JAM3: variants seen among roughly 807,000 people sequenced by gnomAD.
JAM3 encodes the protein junctional adhesion molecule 3, also known as junctional adhesion molecule C.
In JAM3, 31 loss-of-function variants were observed where a neutral mutation model predicts 39.4. The ratio of observed to expected loss-of-function variants is 0.79; its 90% CI spans 0.59 to 1.06. JAM3 has a LOEUF of 1.06. JAM3 is among the 50% of genes least tolerant of loss of function. The probability of loss-of-function intolerance (pLI) is 0.00; values close to 1 mark genes in which losing one functional copy is unlikely to be tolerated. For missense variants in JAM3, 455 were observed against 391.4 expected, an observed-to-expected ratio of 1.16 and a Z score of -1.37; for synonymous variants, 182 against 148.7, an observed-to-expected ratio of 1.22 and a Z score of -1.63.
chr11:134,099,691 C>G (rs1164298638), intron 1 of JAM3, among the ~76,000 whole-genome samples: 1 of 152,200 alleles, frequency 6.6e-6, no homozygotes, highest in Admixed American at 6.5e-5. Context: ...ACTGCAACCT[C>G]CACCTCTTGG....
intron 1 of JAM3, among the ~76,000 whole-genome samples, chr11:134,109,986 G>A (rs1942278715): frequency 6.6e-6 from 1 of 152,132 alleles, no homozygotes; most frequent in South Asian, 2.1e-4. Context: ...CCTTCACATT[G>A]CTTTCACTCT....
intron 1 of JAM3, among the ~76,000 whole-genome samples, chr11:134,087,869 A>G (rs1294546035): frequency 6.6e-6 from 1 of 152,150 alleles, no homozygotes; most frequent in African/African-American, 2.4e-5. Context: ...GGTACTGTTG[A>G]TATTTGGAGT....
chr11:134,100,835 T>C, intron 1 of JAM3, among the ~76,000 whole-genome samples: 1 of 152,252 alleles, frequency 6.6e-6, no homozygotes, highest in East Asian at 1.9e-4. Context: ...TCAGATGTTC[T>C]AGAGTTTCAG....
At chr11:134,137,286 C>T (rs1019545435) in intron 1 of JAM3, among the ~76,000 whole-genome samples, 5 of 152,176 alleles carry the variant, frequency 3.3e-5, no homozygotes, top group African/African-American at 7.2e-5. Context: ...TTGGCCTTCA[C>T]GAAAATTAAA....
intron 1 of JAM3, among the ~76,000 whole-genome samples, chr11:134,078,036 C>T (rs1386670941): frequency 6.6e-6 from 1 of 152,094 alleles, no homozygotes; most frequent in Admixed American, 6.6e-5. Context: ...GGATCCCTGG[C>T]ATTACTTAAA....
chr11:134,109,040 T>C (rs563091554), intron 1 of JAM3, among the ~76,000 whole-genome samples: 12 of 152,200 alleles, frequency 7.9e-5, no homozygotes, highest in African/African-American at 2.4e-4. Context: ...CACTGCAACC[T>C]CCACCTCCCA....
rs7945622 is a variant in JAM3 at position 134,148,955 on chromosome 11, A to C, written c.897+137A>C. 5,343 of 689,308 alleles carry C rather than the reference A, an allele frequency of 7.8e-3. 107 individuals carry two copies. The highest frequency in any genetic ancestry group is 1.0e-2 in the Non-Finnish European group (3,912 of 392,316). 42.7% of individuals were successfully genotyped at this position (689,308 alleles called of 1,614,324 possible). ...CTGAGCTCCTCAGCCCCTTCACAGT[A>C]ACACACACACACACACACACACACA... On this transcript the variant is annotated intron_variant, in intron 8 of 8. Transcript: ENST00000299106.
Position 134,140,784 on chromosome 11 carries a change from G to C in JAM3, c.256+14G>C, listed in dbSNP as rs775377322. 8.7e-6 allele frequency: 14 copies of C among 1,607,662 alleles called. No homozygotes were observed. Among genetic ancestry groups the C allele is most frequent in the Admixed American group, 1.7e-5 (1 of 59,520 alleles). On this transcript the variant is annotated intron_variant, in intron 3 of 8. Coordinates refer to ENST00000299106, the MANE Select transcript of JAM3 (RefSeq NM_032801.5). ...ACAAAATTCAGGGTATGATCCTGTA[G>C]TCCTCTTGCCTGCTGACCTTTCCTC...
At chr11:134,115,624 G>C (rs1942413791) in intron 1 of JAM3, among the ~76,000 whole-genome samples, 1 of 152,114 alleles carries the variant, frequency 6.6e-6, no homozygotes, top group South Asian at 2.1e-4. Context: ...AGGGGGTCAG[G>C]TGCTGTGCGG....
chr11:134,079,196 C>T (rs1040765339), intron 1 of JAM3, among the ~76,000 whole-genome samples: 1 of 152,048 alleles, frequency 6.6e-6, no homozygotes, highest in Non-Finnish European at 1.5e-5. Context: ...ATATACCAAA[C>T]CCTACAACTA....
intron 1 of JAM3, among the ~76,000 whole-genome samples, chr11:134,090,316 C>A (rs1941824218): frequency 6.6e-6 from 1 of 152,170 alleles, no homozygotes; most frequent in South Asian, 2.1e-4. Flanking sequence ...TTAATTAGAT[C>A]CCATTTGTCA....
chr11:134,146,112 AT>A, intron 6 of JAM3, 67 bp downstream of exon 6: 1 of 1,104,882 alleles, frequency 9.1e-7, no homozygotes, highest in Non-Finnish European at 1.4e-6. Context: ...TTAATTTAAT[AT>A]TATACCATCA....
At chr11:134,086,245 T>C (rs1941743778) in intron 1 of JAM3, among the ~76,000 whole-genome samples, 1 of 152,208 alleles carries the variant, frequency 6.6e-6, no homozygotes, top group Non-Finnish European at 1.5e-5. Flanking sequence ...GTATCATGAG[T>C]CCTCTGGTTC....
intron 1 of JAM3, among the ~76,000 whole-genome samples, chr11:134,086,089 TAG>T (rs2120613022): frequency 6.6e-6 from 1 of 152,352 alleles, no homozygotes; most frequent in African/African-American, 2.4e-5. Flanking sequence ...TATTAATCTG[TAG>T]AGAGGTGATT....
In JAM3 at chr11:134,149,443, T is replaced by C; in HGVS notation, c.*262T>C. 3.4e-6 allele frequency: 2 copies of C among 594,472 alleles called. No homozygotes were observed. Among genetic ancestry groups the C allele is most frequent in the East Asian group, 2.9e-5 (1 of 34,330 alleles). The allele number at this position is 594,472 out of a possible 1,614,324, so 36.8% of individuals were successfully genotyped here. A position where few individuals can be genotyped will look rare whatever the true frequency, so the allele number is the denominator to read the frequency against. ...TTCACTGAGTTGGGTTCCTAATCTG[T>C]TTCTGGCCTGATTCCCGCATGAGTA... On this transcript the variant is annotated 3_prime_UTR_variant, in exon 9 of 9. Transcript: ENST00000299106.
chr11:134,070,620 G>A (rs1023267673), intron 1 of JAM3, among the ~76,000 whole-genome samples: 1 of 152,206 alleles, frequency 6.6e-6, no homozygotes, highest in African/African-American at 2.4e-5. Flanking sequence ...GGAATGTCCA[G>A]CACCCGCTGT....
rs1229850037 is a variant in JAM3 at position 134,149,802 on chromosome 11, GCCTGAGGAAC to G, written c.*626_*635del. On this transcript the variant is annotated 3_prime_UTR_variant, in exon 9 of 9. Coordinates refer to ENST00000299106, the MANE Select transcript of JAM3 (RefSeq NM_032801.5). ...AATTGGTTGCTGGAAGAGGGATCTT[GCCTGAGGAAC>G]CCTGCTTGTCCAACAGGGTGTCAGG... 3.8e-5 allele frequency: 15 copies of G among 398,170 alleles called. No individual in the cohort carries two copies. Among genetic ancestry groups the G allele is most frequent in the Admixed American group, 3.6e-4 (13 of 35,964 alleles). 24.7% of individuals were successfully genotyped at this position (398,170 alleles called of 1,614,324 possible).
chr11:134,112,411 G>A (rs1281420350), intron 1 of JAM3, among the ~76,000 whole-genome samples: 1 of 152,130 alleles, frequency 6.6e-6, no homozygotes, highest in African/African-American at 2.4e-5. Flanking sequence ...AAAATGGGCT[G>A]TATACTTGGC....
At chr11:134,135,550 T>G (rs1942849109) in intron 1 of JAM3, among the ~76,000 whole-genome samples, 1 of 152,000 alleles carries the variant, frequency 6.6e-6, no homozygotes, top group Non-Finnish European at 1.5e-5. Flanking sequence ...TTTTTTTCTT[T>G]TTTTTGAGAT....
Sources: gnomAD v4.1 joint callset for allele counts (sites outside exome capture counted in the v4.1 genomes callset) on GRCh38, gnomAD v4.1.1 for gene constraint, MANE v1.5 for transcripts, NCBI Gene and HGNC (gene_info 2026-07-23, HGNC 2026-07-21) for gene names.